GNE: variants seen among roughly 807,000 people sequenced by gnomAD.
The protein encoded by GNE is bifunctional UDP-N-acetylglucosamine 2-epimerase/N-acetylmannosamine kinase.
GNE carries 41 observed loss-of-function variants against 61.8 expected under a neutral mutation model. The observed-to-expected ratio is 0.66, with a 90% CI of 0.52 to 0.86. GNE has a LOEUF of 0.86. GNE is among the 40% of genes least tolerant of loss of function. GNE has a pLI of 0.00. For synonymous variants in GNE, 264 were observed against 326.4 expected (o/e 0.81, Z 2.06); for missense variants, 608 against 909.1 (o/e 0.67, Z 4.26).
At chr9:36,259,683 CAG>C (rs1489615981), upstream of GNE, among the ~76,000 whole-genome samples, 1 of 152,130 alleles carries the variant, frequency 6.6e-6, no homozygotes, top group African/African-American at 2.4e-5. Context: ...GTTTTTGAGA[CAG>C]GGTCCCACTC....
At chr9:36,244,753 T>C (rs986705200) in intron 3 of GNE, among the ~76,000 whole-genome samples, 26 of 149,074 alleles carry the variant, frequency 1.7e-4, no homozygotes, top group Admixed American at 1.0e-3. Flanking sequence ...CTGACCAACA[T>C]AGTGAAACCC....
chr9:36,242,109 C>A (rs1238730412), intron 3 of GNE, among the ~76,000 whole-genome samples: 1 of 151,696 alleles, frequency 6.6e-6, no homozygotes. Context: ...GCACTCCAGC[C>A]TAGGTGACAG....
At chr9:36,246,906 T>C (rs1387474873) in intron 2 of GNE, among the ~76,000 whole-genome samples, 1 of 152,050 alleles carries the variant, frequency 6.6e-6, no homozygotes, top group African/African-American at 2.4e-5. Context: ...TGACCTCAGG[T>C]GATCCACCCA....
rs1829289623 is a variant in GNE at position 36,234,032 on chromosome 9, C to G, written c.870G>C (p.Leu290Phe). The part of the protein sequence containing the change: ...KHVPFDQFIQ[L>F]VAHAGCMIGN... ...CAATCATACAGCCAGCATGGGCAAC[C>G]AACTGTATAAACTGGTCAAATGGGA... The change falls in exon 5 of 12, where the codon TTG (leucine) becomes TTC (phenylalanine). Residue 290 changes from leucine to phenylalanine, a missense_variant. Leu to Phe is a conservative substitution (Grantham distance 22). Transcript: ENST00000642385. The G allele has an allele frequency of 6.2e-7, 1 of 1,613,974 alleles. No homozygotes were observed. The highest frequency in any genetic ancestry group is 8.5e-7 in the Non-Finnish European group (1 of 1,179,934).
At chr9:36,242,732 GT>G (rs34441447) in intron 3 of GNE, among the ~76,000 whole-genome samples, 35,198 of 95,870 alleles carry the variant, frequency 0.37, 6,615 homozygotes, top group Middle Eastern at 0.43. Flanking sequence ...TTTTATGCTT[GT>G]TTTTTTTTTT....
intron 2 of GNE, among the ~76,000 whole-genome samples, chr9:36,246,949 G>C (rs530186107): frequency 2.9e-4 from 44 of 152,264 alleles, no homozygotes; most frequent in African/African-American, 1.0e-3. Flanking sequence ...GATTACACGC[G>C]TGAGCGACTG....
upstream of GNE, among the ~76,000 whole-genome samples, chr9:36,261,344 G>A (rs151124228): frequency 1.7e-3 from 262 of 152,060 alleles, 2 homozygotes; most frequent in African/African-American, 2.1e-3. Flanking sequence ...GGATCACGAC[G>A]TCAGGAGATC....
chr9:36,247,058 C>G (rs1451597165), intron 2 of GNE, among the ~76,000 whole-genome samples: 1 of 149,414 alleles, frequency 6.7e-6, no homozygotes, highest in Non-Finnish European at 1.5e-5. Flanking sequence ...GTTTTTTACC[C>G]TTTTTTTTAT....
intron 3 of GNE, among the ~76,000 whole-genome samples, chr9:36,244,164 A>G (rs1037436772): frequency 2.6e-5 from 4 of 151,982 alleles, no homozygotes; most frequent in African/African-American, 4.8e-5. Context: ...GCGTCTTGCT[A>G]TGTTGCCCAG....
intron 1 of GNE, among the ~76,000 whole-genome samples, chr9:36,252,228 AC>A (rs1468418541): frequency 6.6e-6 from 1 of 151,630 alleles, no homozygotes; most frequent in East Asian, 1.9e-4. Flanking sequence ...CTCATGATCC[AC>A]CCGCCTCGGC....
At chr9:36,272,968 C>T (rs1033498765) in intron 1 of GNE, among the ~76,000 whole-genome samples, 1 of 150,042 alleles carries the variant, frequency 6.7e-6, no homozygotes, top group Non-Finnish European at 1.5e-5. Flanking sequence ...GCCTGTAGTC[C>T]CAGCTACTCA....
At chr9:36,268,659 C>A (rs759351944) in intron 1 of GNE, among the ~76,000 whole-genome samples, 10 of 151,868 alleles carry the variant, frequency 6.6e-5, no homozygotes, top group Non-Finnish European at 1.5e-4. Flanking sequence ...CAGAGTGAGA[C>A]CCCCATCTCA....
intron 7 of GNE, among the ~76,000 whole-genome samples, chr9:36,223,704 T>C (rs1828716636): frequency 6.6e-6 from 1 of 151,658 alleles, no homozygotes; most frequent in South Asian, 2.1e-4. Flanking sequence ...TGTCCTAATA[T>C]GGGGCTGTTG....
chr9:36,226,962 G>A (rs1563932965), intron 7 of GNE, among the ~76,000 whole-genome samples: 2 of 152,176 alleles, frequency 1.3e-5, no homozygotes, highest in Non-Finnish European at 2.9e-5. Flanking sequence ...ACCAAGTATA[G>A]AATTTCAGGT....
chr9:36,233,164 T>A (rs1829245980), intron 5 of GNE, among the ~76,000 whole-genome samples: 1 of 152,240 alleles, frequency 6.6e-6, no homozygotes, highest in Non-Finnish European at 1.5e-5. Context: ...CTTGAACTAA[T>A]GTTAATAACA....
At chr9:36,217,674 A>C (rs1828393301) in intron 11 of GNE, 74 bp from the exon 12 acceptor site, 1 of 885,726 alleles carries the variant, frequency 1.1e-6, no homozygotes, top group South Asian at 1.4e-5. Context: ...AAGGCAGAAA[A>C]GAGCCAGCAG....
rs1828380516 is a variant in GNE, at chr9:36,217,508, T to C, written c.2026A>G (p.Ile676Val). Residue 676 changes from isoleucine (I) to valine (V), a missense_variant, in exon 12 of 12, where the codon ATC becomes GTC. Ile to Val is a conservative substitution (Grantham distance 29). Coordinates refer to ENST00000642385, the MANE Select transcript of GNE (RefSeq NM_005476.7). ...CGAATGACGTCTTTGACAATGTGGA[T>C]ATAGTGACTGGCCAGGACTCCGGAG... ...ILSGVLASHY[I>V]HIVKDVIRQQ... is the part of the protein sequence containing the mutation. 1 of 1,613,840 alleles carries C rather than the reference T, an allele frequency of 6.2e-7. No homozygotes were observed. Among genetic ancestry groups the C allele is most frequent in the South Asian group, 1.1e-5 (1 of 91,082 alleles).
At chr9:36,261,646 C>T (rs1016320802), upstream of GNE, among the ~76,000 whole-genome samples, 1 of 150,710 alleles carries the variant, frequency 6.6e-6, no homozygotes, top group Non-Finnish European at 1.5e-5. Flanking sequence ...TCAGGTCAGG[C>T]GTGGTGGCTC....
intron 1 of GNE, among the ~76,000 whole-genome samples, chr9:36,274,926 G>A (rs906716846): frequency 6.6e-6 from 1 of 152,128 alleles, no homozygotes; most frequent in Non-Finnish European, 1.5e-5. Flanking sequence ...GGGTTTCACT[G>A]TGTTAGCCAG....
Sources: allele counts gnomAD v4.1 joint callset (sites outside exome capture counted in the v4.1 genomes callset), GRCh38; gene constraint gnomAD v4.1.1; transcripts MANE v1.5; gene names NCBI Gene and HGNC (gene_info 2026-07-23, HGNC 2026-07-21).